Variants in ATP7A observed in about 807,000 individuals in gnomAD.
ATP7A encodes the protein ATPase copper transporting alpha.
Under a neutral mutation model 83.5 loss-of-function variants are expected in ATP7A, and 7 were observed. The ratio of observed to expected loss-of-function variants is 0.08; its 90% CI spans 0.05 to 0.16. The LOEUF is 0.16. Ranked by LOEUF, ATP7A falls within the 10% of genes least tolerant of loss-of-function variation. The pLI, the probability that ATP7A is intolerant of heterozygous loss-of-function variation, is 1.00. For synonymous variants in ATP7A, 354 were observed against 395.2 expected (o/e 0.90, Z 1.24); for missense variants, 940 against 1,120.8 (o/e 0.84, Z 2.30).
chrX:77,931,350 G>A (rs1288673189), intron 1 of ATP7A, among the ~76,000 whole-genome samples: 1 of 111,406 alleles, frequency 9.0e-6, no homozygotes, highest in Non-Finnish European at 1.9e-5. Context: ...CGATGAGCAG[G>A]ATCCCAAGGC....
At chrX:77,943,787 G>T (rs182709202) in intron 1 of ATP7A, among the ~76,000 whole-genome samples, 2 of 111,639 alleles carry the variant, frequency 1.8e-5, no homozygotes, top group Admixed American at 1.9e-4. Flanking sequence ...GTTCTTAACT[G>T]CTGTATAGTA....
chrX:77,999,907 CAA>C (rs781857498), intron 5 of ATP7A, among the ~76,000 whole-genome samples: 12 of 44,622 alleles, frequency 2.7e-4, no homozygotes, highest in Admixed American at 3.0e-4. Context: ...GACTCCATCT[CAA>C]AAAAAAAAAA....
chrX:78,002,843 C>T (rs1266496128), intron 5 of ATP7A, among the ~76,000 whole-genome samples: 3 of 100,511 alleles, frequency 3.0e-5, no homozygotes, highest in African/African-American at 1.1e-4. Flanking sequence ...CACACACACA[C>T]ATAATTGAAA....
chrX:77,944,235 G>C (rs782590181), intron 1 of ATP7A, among the ~76,000 whole-genome samples: 1 of 112,260 alleles, frequency 8.9e-6, no homozygotes, highest in Non-Finnish European at 1.9e-5. Context: ...AAATAAAAAA[G>C]TTTGTAAATT....
chrX:78,030,196 C>A (rs782799563), intron 15 of ATP7A, among the ~76,000 whole-genome samples: 2 of 112,144 alleles, frequency 1.8e-5, no homozygotes, highest in South Asian at 7.4e-4. Context: ...GAGGCTGAGG[C>A]AGGCGGACCA....
chrX:78,015,927 A>G, intron 12 of ATP7A, 46 bp downstream of exon 12: 1 of 1,195,544 alleles, frequency 8.4e-7, no homozygotes, highest in Admixed American at 2.2e-5. Flanking sequence ...AGAAAAATAG[A>G]CATGAAAGAT....
At chrX:77,920,155 C>T (rs919752385) in intron 1 of ATP7A, among the ~76,000 whole-genome samples, 1 of 110,428 alleles carries the variant, frequency 9.1e-6, no homozygotes, top group African/African-American at 3.3e-5. Flanking sequence ...ACCCTTGCCC[C>T]ACTCCCTCCC....
At chrX:77,950,749 C>T (rs977433262) in intron 1 of ATP7A, among the ~76,000 whole-genome samples, 8 of 111,145 alleles carry the variant, frequency 7.2e-5, no homozygotes, top group East Asian at 5.6e-4. Flanking sequence ...GTCGTCCAGG[C>T]GCAGTGGCTC....
intron 15 of ATP7A, among the ~76,000 whole-genome samples, chrX:78,030,498 C>A (rs2077976094): frequency 9.1e-6 from 1 of 110,065 alleles, no homozygotes; most frequent in Non-Finnish European, 1.9e-5. Context: ...GGGCTCTTTT[C>A]CTAAGAATAA....
At position 78,015,711 on chromosome X, in the gene ATP7A, G is replaced by A. The variant is rs199683907; in HGVS notation, c.2499-43G>A. The A allele has an allele frequency of 6.6e-6, 8 of 1,206,084 alleles. No individual in the cohort carries two copies. The East Asian group carries it at 8.9e-5, about 13-fold the overall frequency. On this transcript the variant is annotated intron_variant, in intron 11 of 22. Transcript: ENST00000341514. ...AGCTTACATGGAGAGGTCAGGGTAG[G>A]AAGCATATTATCATGGTGCTTTTTA...
rs782252320 is a variant in ATP7A at position 77,973,078 on chromosome X, C to G, written c.120+1317C>G. 1.5e-4 allele frequency among the ~76,000 whole-genome samples: 17 copies of G among 110,573 alleles called. No individual in the cohort carries two copies. In the South Asian group the frequency reaches 6.6e-3, roughly 43 times the overall value. On this transcript the variant is annotated intron_variant, in intron 2 of 22. Transcript: ENST00000341514. ...AAAATGGTGATCTGCAGGCCAAACC[C>G]AGTTTGCCAACTGCTTTCATATGGC...
Position 78,033,497 on chromosome X carries a change from A to C in ATP7A, c.3295-108A>C, listed in dbSNP as rs782079362. The C allele has an allele frequency of 7.6e-6, 6 of 784,965 alleles. 1 individual carries two copies. In the Admixed American group the frequency reaches 1.6e-4, roughly 21 times the overall value. 64.7% of individuals were successfully genotyped at this position (784,965 alleles called of 1,213,427 possible). A position where few individuals can be genotyped will look rare whatever the true frequency, so the allele number is the denominator to read the frequency against. The stretch of plus-strand genomic sequence containing the variant: ...TCCACTGTCAAGTAGGCAATATGTG[A>C]CAATTTTATTATAAACATTTAGAAT... On this transcript the variant is annotated intron_variant, in intron 16 of 22. Transcript: ENST00000341514.
At chrX:77,969,734 C>G in intron 1 of ATP7A, 31 of 1,000,751 alleles carry the variant, frequency 3.1e-5, no homozygotes, top group Non-Finnish European at 4.2e-5. Flanking sequence ...TCCCTAACCA[C>G]TCATTTCCCC....
intron 1 of ATP7A, among the ~76,000 whole-genome samples, chrX:77,957,537 C>T (rs1407625050): frequency 1.8e-5 from 2 of 108,539 alleles, no homozygotes; most frequent in African/African-American, 6.7e-5. Flanking sequence ...GATATTAACC[C>T]CTTGATAAAT....
At chrX:78,017,979 T>C (rs1322267993) in intron 12 of ATP7A, among the ~76,000 whole-genome samples, 1 of 104,847 alleles carries the variant, frequency 9.5e-6, no homozygotes, top group African/African-American at 3.4e-5. Flanking sequence ...GGTTTCACCA[T>C]GTTAGCCAGG....
At chrX:77,975,075 A>T (rs1335469503) in intron 2 of ATP7A, among the ~76,000 whole-genome samples, 2 of 111,856 alleles carry the variant, frequency 1.8e-5, no homozygotes, top group African/African-American at 6.5e-5. Context: ...CATTCTCATC[A>T]GTTGAATTTT....
intron 1 of ATP7A, among the ~76,000 whole-genome samples, chrX:77,956,308 TC>T (rs2077440959): frequency 1.8e-5 from 2 of 111,794 alleles, no homozygotes; most frequent in South Asian, 7.4e-4. Context: ...ACCCCTCTTT[TC>T]TTTTGTTATT....
At chrX:78,019,190 T>C (rs1557235474) in intron 12 of ATP7A, among the ~76,000 whole-genome samples, 1 of 111,877 alleles carries the variant, frequency 8.9e-6, no homozygotes, top group Non-Finnish European at 1.9e-5. Flanking sequence ...CTTTGGCAAA[T>C]TTTCCTGGGC....
chrX:77,982,145 T>G (rs2077608147), intron 2 of ATP7A, among the ~76,000 whole-genome samples: 1 of 111,674 alleles, frequency 9.0e-6, no homozygotes, highest in Admixed American at 9.6e-5. Flanking sequence ...ATATTATGGG[T>G]GGTGAATCAA....
Sources: allele counts gnomAD v4.1 joint callset (sites outside exome capture counted in the v4.1 genomes callset), GRCh38; gene constraint gnomAD v4.1.1; transcripts MANE v1.5; gene names NCBI Gene and HGNC (gene_info 2026-07-23, HGNC 2026-07-21).